Variants in TENM2 observed in about 807,000 individuals in gnomAD.
TENM2 encodes the protein teneurin transmembrane protein 2, also known as teneurin-2.
A neutral mutation model predicts 245.2 loss-of-function variants in TENM2; 52 were observed. That is an observed-to-expected ratio of 0.21 (90% CI 0.17 to 0.27). The LOEUF is 0.27. Ranked by LOEUF, TENM2 falls within the 10% of genes least tolerant of loss-of-function variation. The pLI is 1.00. For missense variants in TENM2, 3,046 were observed against 3,666.8 expected, an observed-to-expected ratio of 0.83 and a Z score of 4.37; for synonymous variants, 1,363 against 1,438.9, an observed-to-expected ratio of 0.95 and a Z score of 1.19.
At chr5:167,379,836 T>G (rs998478622) in intron 2 of TENM2, among the ~76,000 whole-genome samples, 3 of 151,968 alleles carry the variant, frequency 2.0e-5, no homozygotes, top group African/African-American at 7.3e-5. Flanking sequence ...ATGGGATGAT[T>G]TCTTTTCCAG....
chr5:167,930,899 C>G (rs986420786), intron 3 of TENM2, among the ~76,000 whole-genome samples: 3 of 152,118 alleles, frequency 2.0e-5, no homozygotes, highest in Non-Finnish European at 2.9e-5. Flanking sequence ...ATTTCAAACA[C>G]TTATTAAGCA....
At chr5:167,293,923 T>C (rs1169463864) in intron 1 of TENM2, among the ~76,000 whole-genome samples, 1 of 152,100 alleles carries the variant, frequency 6.6e-6, no homozygotes, top group Non-Finnish European at 1.5e-5. Flanking sequence ...GATACCATTG[T>C]TTGTTCTCTA....
chr5:168,045,758 C>T lies in TENM2; in HGVS notation c.1187-1669C>T, dbSNP rs551759597. Among the ~76,000 whole-genome samples, 6 of 152,272 alleles carry T rather than the reference C, an allele frequency of 3.9e-5. No individual in the cohort carries two copies. The South Asian group carries it at 1.2e-3, about 32-fold the overall frequency. ...TTTAAAATAGCTAATTCCTTGGCTC[C>T]CTTCACCTGGTAATTACAAATCAGA... On this transcript the variant is annotated intron_variant, in intron 5 of 28. Transcript: ENST00000518659.
chr5:167,156,020 G>T, the TENM2 span, among the ~76,000 whole-genome samples: 2 of 152,198 alleles, frequency 1.3e-5, no homozygotes, highest in Admixed American at 1.3e-4. Flanking sequence ...CAGATGTCTT[G>T]TTAGTGGGCA....
intron 7 of TENM2, among the ~76,000 whole-genome samples, chr5:168,086,501 A>G (rs1368683080): frequency 6.6e-6 from 1 of 151,984 alleles, no homozygotes; most frequent in Non-Finnish European, 1.5e-5. Flanking sequence ...GGGCGGGGAG[A>G]GGTGGTGTTT....
chr5:167,321,807 GGGGGGC>G (rs1756756077), intron 1 of TENM2, among the ~76,000 whole-genome samples: 1 of 19,266 alleles, frequency 5.2e-5, no homozygotes, highest in African/African-American at 1.6e-4. Flanking sequence ...TTTTTGGGGG[GGGGGGC>G]GGGGGGGGGG....
intron 2 of TENM2, among the ~76,000 whole-genome samples, chr5:167,649,125 A>G (rs187487818): frequency 1.3e-5 from 2 of 152,206 alleles, no homozygotes; most frequent in South Asian, 4.2e-4. Context: ...TGAAACCACC[A>G]CCTCTCTTTT....
chr5:167,255,073 CTTTT>C, the TENM2 span, among the ~76,000 whole-genome samples: 2 of 125,510 alleles, frequency 1.6e-5, no homozygotes, highest in Admixed American at 1.6e-4. Flanking sequence ...CTTTTCTTTT[CTTTT>C]TTTTTTTTTT....
intron 2 of TENM2, among the ~76,000 whole-genome samples, chr5:167,805,354 A>C (rs1294561680): frequency 6.6e-6 from 1 of 152,160 alleles, no homozygotes; most frequent in African/African-American, 2.4e-5. Context: ...AATTTTTTAT[A>C]CAATCGTCCT....
intron 10 of TENM2, among the ~76,000 whole-genome samples, chr5:168,118,852 G>T (rs182800222): frequency 1.3e-5 from 2 of 149,092 alleles, no homozygotes; most frequent in African/African-American, 2.5e-5. Flanking sequence ...CCTTTCCCTC[G>T]CCCTATCTTT....
In TENM2 at chr5:167,440,351, T is replaced by C. The variant is rs191408974; in HGVS notation, c.502+64878T>C. On this transcript the variant is annotated intron_variant, in intron 2 of 28. Transcript: ENST00000518659. ...ATGATCCTAATGGAGAGATGGCTAA[T>C]AGTGTTCATCCAATGTGCCAACTTC... Among the ~76,000 whole-genome samples, 573 of 152,248 alleles carry C rather than the reference T, an allele frequency of 3.8e-3. 4 individuals are homozygous for C. Among genetic ancestry groups the C allele is most frequent in the African/African-American group, 0.013 (539 of 41,558 alleles).
chr5:167,676,563 C>T (rs1259560395), intron 2 of TENM2, among the ~76,000 whole-genome samples: 1 of 152,044 alleles, frequency 6.6e-6, no homozygotes, highest in Admixed American at 6.6e-5. Context: ...AGAATATATA[C>T]ATTTGTGTCT....
At chr5:167,467,172 T>TG (rs1217365058) in intron 2 of TENM2, among the ~76,000 whole-genome samples, 2 of 152,046 alleles carry the variant, frequency 1.3e-5, no homozygotes, top group Non-Finnish European at 2.9e-5. Context: ...GATTGGAACA[T>TG]GGGGGTGGTT....
intron 2 of TENM2, among the ~76,000 whole-genome samples, chr5:167,697,395 T>C (rs1757835463): frequency 6.6e-6 from 1 of 152,238 alleles, no homozygotes; most frequent in Non-Finnish European, 1.5e-5. Context: ...GCATCCTGTG[T>C]TCATTAGTTT....
intron 10 of TENM2, among the ~76,000 whole-genome samples, chr5:168,122,925 G>T (rs1795571493): frequency 6.6e-6 from 1 of 152,126 alleles, no homozygotes; most frequent in Non-Finnish European, 1.5e-5. Context: ...CAAGTCTGTT[G>T]TCCCTCAGGA....
chr5:167,148,593 C>T, the TENM2 span, among the ~76,000 whole-genome samples: 3 of 152,132 alleles, frequency 2.0e-5, no homozygotes, highest in South Asian at 2.1e-4. Context: ...GAAAGAACCA[C>T]GCATAGGGCC....
At chr5:167,186,481 A>G in the TENM2 span, among the ~76,000 whole-genome samples, 1 of 152,188 alleles carries the variant, frequency 6.6e-6, no homozygotes, top group Non-Finnish European at 1.5e-5. Flanking sequence ...GCGAAGAAAG[A>G]ATCAGGTATT....
chr5:167,383,215 TGAAG>T (rs1356212404), intron 2 of TENM2, among the ~76,000 whole-genome samples: 1 of 152,086 alleles, frequency 6.6e-6, no homozygotes, highest in Non-Finnish European at 1.5e-5. Flanking sequence ...TCCAGGGAAA[TGAAG>T]GCCATATACG....
At chr5:168,173,497 C>T (rs1043168738) in intron 13 of TENM2, among the ~76,000 whole-genome samples, 8 of 152,022 alleles carry the variant, frequency 5.3e-5, no homozygotes, top group African/African-American at 1.9e-4. Flanking sequence ...CACTTTCGCC[C>T]CCTCAGCCCC....
Sources: allele counts gnomAD v4.1 joint callset (sites outside exome capture counted in the v4.1 genomes callset), GRCh38; gene constraint gnomAD v4.1.1; transcripts MANE v1.5; gene names NCBI Gene and HGNC (gene_info 2026-07-23, HGNC 2026-07-21).